Variants in PEX1 observed in about 807,000 individuals in gnomAD.
PEX1 encodes the protein peroxisomal biogenesis factor 1.
A neutral mutation model predicts 152.5 loss-of-function variants in PEX1; 97 were observed. That is an observed-to-expected ratio of 0.64 (90% CI 0.54 to 0.75). PEX1 has a LOEUF of 0.75. PEX1 is among the 30% of genes least tolerant of loss of function. The pLI is 0.00. For missense variants in PEX1, 1,357 were observed against 1,516.3 expected, an observed-to-expected ratio of 0.89 and a Z score of 1.74; for synonymous variants, 485 against 531.6, an observed-to-expected ratio of 0.91 and a Z score of 1.21.
chr7:92,487,430 C>A lies in PEX1; in HGVS notation c.*27G>T, dbSNP rs766352114. ...ATGGAAAAGCCATCAAAAAACTTAA[C>A]AGAACCAAATCAAAAAGAAGTATAT... is the stretch of plus-strand genomic sequence containing the variant. On this transcript the variant is annotated 3_prime_UTR_variant, in exon 24 of 24. Coordinates refer to ENST00000248633, the MANE Select transcript of PEX1 (RefSeq NM_000466.3). 4.6e-6 allele frequency: 6 copies of A among 1,292,014 alleles called. No individual in the cohort carries two copies. Among genetic ancestry groups the A allele is most frequent in the Admixed American group, 1.8e-5 (1 of 56,266 alleles). 80.0% of individuals were successfully genotyped at this position (1,292,014 alleles called of 1,614,324 possible).
At chr7:92,507,443 GT>G in intron 9 of PEX1, 1 of 279,988 alleles carries the variant, frequency 3.6e-6, no homozygotes, top group Non-Finnish European at 6.9e-6. Context: ...TAGAGACGGG[GT>G]TTTGCCATGT....
chr7:92,501,609 TC>T lies in PEX1; in HGVS notation c.2480del (p.Arg827GlnfsTer64). On this transcript the variant is annotated frameshift_variant, in exon 15 of 24. Coordinates refer to ENST00000248633, the MANE Select transcript of PEX1 (RefSeq NM_000466.3). LOFTEE classifies it high-confidence loss of function. ...CTCTAGGTTTATGCAGGTTGACACT[TC>T]GCAAAGACGCAGGAAGAAATCCGCG... ...ALRGFLPASL[R>X]SVNLHKPRDL... 6.2e-7 allele frequency: 1 copy of T among 1,614,020 alleles called. No individual in the cohort carries two copies.
At chr7:92,511,453 C>T (rs1432076529) in intron 7 of PEX1, 127 bp downstream of exon 7, 1 of 801,236 alleles carries the variant, frequency 1.2e-6, no homozygotes, top group Admixed American at 2.5e-5. Flanking sequence ...ATAAAAACTA[C>T]TGTTTAATTA....
chr7:92,522,258 G>T lies in PEX1; in HGVS notation c.130-13C>A. ...CTATAGCTTGATTCTATTCATATAA[G>T]AAATGAGAGGAAAAAAGGTTTTCGT... On this transcript the variant is annotated splice_polypyrimidine_tract_variant and intron_variant, in intron 1 of 23. Coordinates refer to ENST00000248633, the MANE Select transcript of PEX1 (RefSeq NM_000466.3). 6.2e-7 allele frequency: 1 copy of T among 1,612,800 alleles called. No individual in the cohort carries two copies. The highest frequency in any genetic ancestry group is 8.5e-7 in the Non-Finnish European group (1 of 1,179,490).
At chr7:92,504,433 A>C (rs1792081216) in intron 12 of PEX1, among the ~76,000 whole-genome samples, 1 of 152,162 alleles carries the variant, frequency 6.6e-6, no homozygotes, top group Admixed American at 6.5e-5. Context: ...GTGCACAAGC[A>C]TTTGACAAAT....
intron 15 of PEX1, 35 bp downstream of exon 15, chr7:92,501,472 G>C (rs889191382): frequency 1.0e-5 from 16 of 1,563,476 alleles, no homozygotes; most frequent in Non-Finnish European, 1.4e-5. Context: ...GTTCTTCTGG[G>C]AGTAAGTATT....
At chr7:92,492,648 CTAAT>C (rs762166125) in intron 20 of PEX1, among the ~76,000 whole-genome samples, 8 of 152,270 alleles carry the variant, frequency 5.3e-5, no homozygotes, top group South Asian at 4.2e-4. Context: ...ACAAAAAACT[CTAAT>C]TATTTTTGTT....
intron 1 of PEX1, 101 bp from the exon 2 acceptor site, chr7:92,522,346 T>C (rs1793088323): frequency 8.8e-7 from 1 of 1,141,846 alleles, no homozygotes; most frequent in Admixed American, 1.9e-5. Flanking sequence ...CCAAAAAGAG[T>C]TCTATAGATA....
intron 5 of PEX1, 121 bp from the exon 6 acceptor site, chr7:92,514,088 T>C (rs1046674057): frequency 9.2e-5 from 60 of 654,766 alleles, no homozygotes; most frequent in Admixed American, 4.5e-4. Flanking sequence ...GAAGCTATCA[T>C]AATAACTCAT....
At chr7:92,506,839 A>C in intron 10 of PEX1, 155 bp downstream of exon 10, 1 of 724,942 alleles carries the variant, frequency 1.4e-6, no homozygotes, top group Non-Finnish European at 2.4e-6. Flanking sequence ...ACACAGAAAT[A>C]TTAGTGAATA....
At chr7:92,526,961 G>A (rs1793295232) in intron 1 of PEX1, among the ~76,000 whole-genome samples, 1 of 151,832 alleles carries the variant, frequency 6.6e-6, no homozygotes, top group South Asian at 2.1e-4. Flanking sequence ...ATAATTCATC[G>A]AGGAATAAAT....
Position 92,506,307 on chromosome 7 carries a change from T to C in PEX1, c.1841A>G (p.Lys614Arg), listed in dbSNP as rs773387835. 6.2e-7 allele frequency: 1 copy of C among 1,611,994 alleles called. No homozygotes were observed. The highest frequency in any genetic ancestry group is 8.5e-7 in the Non-Finnish European group (1 of 1,178,294). ...GKSTLAKAIC[K>R]EAFDKLDAHV... is the part of the protein sequence containing the mutation. ...GGCATCCAGTTTGTCAAATGCTTCTTTACAGATTGCTTTGGCTAAAGTTGA... is the reference window on the plus strand; with the variant it reads ...GGCATCCAGTTTGTCAAATGCTTCTCTACAGATTGCTTTGGCTAAAGTTGA... The change falls in exon 11 of 24, where the codon AAA becomes AGA. Residue 614 changes from lysine (K) to arginine (R), a missense_variant. Coordinates refer to ENST00000248633, the MANE Select transcript of PEX1 (RefSeq NM_000466.3).
intron 16 of PEX1, among the ~76,000 whole-genome samples, chr7:92,497,582 A>C (rs995439966): frequency 1.3e-5 from 2 of 152,232 alleles, no homozygotes; most frequent in Admixed American, 6.5e-5. Context: ...TCTTAAAAAA[A>C]ACCTGAATAG....
chr7:92,522,940 C>T (rs1025009016), intron 1 of PEX1, among the ~76,000 whole-genome samples: 6 of 152,218 alleles, frequency 3.9e-5, no homozygotes, highest in South Asian at 2.1e-4. Flanking sequence ...CTTCCAGAAA[C>T]GTTATATTAT....
chr7:92,506,682 G>T, intron 10 of PEX1: 1 of 496,212 alleles, frequency 2.0e-6, no homozygotes, highest in Non-Finnish European at 3.6e-6. Context: ...ATGCAAGGCT[G>T]GTTCAACATT....
At position 92,489,915 on chromosome 7, in the gene PEX1, C is replaced by T; in HGVS notation, c.3439-4G>A. 1 of 1,611,878 alleles carries T rather than the reference C, an allele frequency of 6.2e-7. No homozygotes were observed. The highest frequency in any genetic ancestry group is 1.3e-5 in the African/African-American group (1 of 74,862). ...GTGCAGAGAGACATTGTGAGCTCTG[C>T]ATGGTAAATTGTAGTAATGAAAGAT... On this transcript the variant is annotated splice_region_variant and splice_polypyrimidine_tract_variant and intron_variant, in intron 21 of 23. Coordinates refer to ENST00000248633, the MANE Select transcript of PEX1 (RefSeq NM_000466.3).
intron 19 of PEX1, 179 bp downstream of exon 19, chr7:92,494,113 CA>C (rs368256533): frequency 6.6e-5 from 40 of 601,786 alleles, no homozygotes; most frequent in Non-Finnish European, 6.3e-5. Flanking sequence ...TGCACTGGGC[CA>C]AAAAAAGGCT....
chr7:92,507,229 T>A (rs1792238210), intron 9 of PEX1, 103 bp from the exon 10 acceptor site: 4 of 953,530 alleles, frequency 4.2e-6, no homozygotes, highest in East Asian at 2.7e-5. Flanking sequence ...TTAATTAATT[T>A]AATTTAATTT....
intron 19 of PEX1, chr7:92,494,052 T>A (rs1384075066): frequency 1.9e-5 from 8 of 432,304 alleles, no homozygotes; most frequent in South Asian, 1.5e-4. Flanking sequence ...GTTTCTTGCA[T>A]TTTTTTTTCC....
Sources: allele counts gnomAD v4.1 joint callset (sites outside exome capture counted in the v4.1 genomes callset), GRCh38; gene constraint gnomAD v4.1.1; transcripts MANE v1.5; gene names NCBI Gene and HGNC (gene_info 2026-07-23, HGNC 2026-07-21).